The following PTPRN2 variants were observed in gnomAD, a reference collection of about 807,000 sequenced individuals.
The protein encoded by PTPRN2 is protein tyrosine phosphatase receptor type N2.
In PTPRN2, 74 loss-of-function variants were observed where a neutral mutation model predicts 118.8. The ratio of observed to expected loss-of-function variants is 0.62; its 90% confidence interval spans 0.52 to 0.76. The LOEUF is 0.76. Ranked by LOEUF, PTPRN2 falls within the 30% of genes least tolerant of loss-of-function variation. PTPRN2 has a pLI of 0.00. For missense variants in PTPRN2, 1,481 were observed against 1,394.4 expected (o/e 1.06, Z -0.99); for synonymous variants, 641 against 608.0 (o/e 1.05, Z -0.80).
At chr7:158,482,851 G>A (rs762996794) in intron 2 of PTPRN2, among the ~76,000 whole-genome samples, 16 of 152,170 alleles carry the variant, frequency 1.1e-4, no homozygotes, top group African/African-American at 2.4e-4. Flanking sequence ...TTCAGAACAC[G>A]CTACCTCAAA....
At chr7:157,727,508 A>T (rs1485161643) in intron 12 of PTPRN2, among the ~76,000 whole-genome samples, 1 of 152,048 alleles carries the variant, frequency 6.6e-6, no homozygotes, top group African/African-American at 2.4e-5. Context: ...GACAGAGGGT[A>T]GAGTGGGCTG....
intron 2 of PTPRN2, among the ~76,000 whole-genome samples, chr7:158,386,509 G>T (rs939232288): frequency 4.6e-5 from 7 of 152,162 alleles, no homozygotes; most frequent in Non-Finnish European, 8.8e-5. Context: ...ACCAGGGTAT[G>T]CACTTTTCCA....
At chr7:157,648,864 G>T (rs1805368106) in intron 14 of PTPRN2, among the ~76,000 whole-genome samples, 1 of 147,122 alleles carries the variant, frequency 6.8e-6, no homozygotes. Flanking sequence ...CACTGAACTC[G>T]GTGGGTCGGA....
chr7:158,506,546 A>C (rs531846554), intron 1 of PTPRN2, among the ~76,000 whole-genome samples: 12 of 151,760 alleles, frequency 7.9e-5, no homozygotes, highest in Admixed American at 3.3e-4. Flanking sequence ...CACTTCATTT[A>C]TTTTGCTTAA....
At chr7:158,228,028 C>G (rs1195402750) in intron 3 of PTPRN2, among the ~76,000 whole-genome samples, 1 of 152,120 alleles carries the variant, frequency 6.6e-6, no homozygotes, top group Admixed American at 6.5e-5. Flanking sequence ...AGAAATGGAA[C>G]CTATACATTC....
intron 11 of PTPRN2, among the ~76,000 whole-genome samples, chr7:158,036,560 A>G (rs897253029): frequency 6.6e-6 from 1 of 152,222 alleles, no homozygotes; most frequent in African/African-American, 2.4e-5. Flanking sequence ...AATATAACAG[A>G]GGGAAATCAG....
intron 11 of PTPRN2, among the ~76,000 whole-genome samples, chr7:158,038,765 AAGATTATACATAAT>A (rs200922817): frequency 0.026 from 2,745 of 104,574 alleles, 83 homozygotes; most frequent in African/African-American, 0.084. Context: ...ATAGAAATAT[AAGATTATACATAAT>A]ATGTAAAATA....
At chr7:157,723,304 C>T (rs979274471) in intron 12 of PTPRN2, among the ~76,000 whole-genome samples, 2 of 152,184 alleles carry the variant, frequency 1.3e-5, no homozygotes, top group Non-Finnish European at 2.9e-5. Context: ...TCTGGCCTGG[C>T]CTGAGCTGCA....
chr7:158,274,075 C>T (rs575899585), intron 3 of PTPRN2, among the ~76,000 whole-genome samples: 1 of 141,228 alleles, frequency 7.1e-6, no homozygotes, highest in South Asian at 2.2e-4. Context: ...CAGGGGGAGC[C>T]GCAGACACAG....
intron 9 of PTPRN2, among the ~76,000 whole-genome samples, chr7:158,124,008 G>T (rs555320938): frequency 6.7e-6 from 1 of 150,072 alleles, no homozygotes; most frequent in Admixed American, 6.6e-5. Flanking sequence ...CCCAGGCGGA[G>T]CTGGTTCTCT....
At chr7:157,754,739 C>G (rs747805039) in intron 12 of PTPRN2, among the ~76,000 whole-genome samples, 1 of 152,208 alleles carries the variant, frequency 6.6e-6, no homozygotes, top group Non-Finnish European at 1.5e-5. Context: ...AGTTAGTTTT[C>G]TTTGTAGTTA....
chr7:157,696,824 C>T (rs1198927529), intron 12 of PTPRN2, among the ~76,000 whole-genome samples: 3 of 122,100 alleles, frequency 2.5e-5, no homozygotes. Flanking sequence ...TCTACACATG[C>T]ATACTGGGTC....
At chr7:158,281,810 C>G (rs1271281041) in intron 3 of PTPRN2, among the ~76,000 whole-genome samples, 1 of 152,220 alleles carries the variant, frequency 6.6e-6, no homozygotes, top group Non-Finnish European at 1.5e-5. Context: ...TCTGAGTCAA[C>G]CATGGGTAAA....
At chr7:157,931,652 A>G (rs999673857) in intron 11 of PTPRN2, among the ~76,000 whole-genome samples, 2 of 147,590 alleles carry the variant, frequency 1.4e-5, no homozygotes, top group Non-Finnish European at 3.0e-5. Flanking sequence ...AAATGCAGGT[A>G]AGCTCTGGCT....
At chr7:158,165,361 G>A (rs1224677378) in intron 6 of PTPRN2, among the ~76,000 whole-genome samples, 1 of 152,222 alleles carries the variant, frequency 6.6e-6, no homozygotes, top group Non-Finnish European at 1.5e-5. Flanking sequence ...AGCTCCCGTA[G>A]CAAACAGCAC....
chr7:158,081,383 A>C lies in PTPRN2; in HGVS notation c.1644-6T>G. 2 of 1,613,622 alleles carry C rather than the reference A, an allele frequency of 1.2e-6. No homozygotes were observed. Among genetic ancestry groups the C allele is most frequent in the Non-Finnish European group, 1.7e-6 (2 of 1,179,510 alleles). The stretch of plus-strand genomic sequence containing the variant: ...TCACTGCTGGTCCGAGAACCCTGGA[A>C]GGGATAATTTAAAATAAGTTCATAA... On this transcript the variant is annotated splice_region_variant and splice_polypyrimidine_tract_variant and intron_variant, in intron 10 of 22. Coordinates refer to ENST00000389418, the MANE Select transcript of PTPRN2 (RefSeq NM_002847.5).
chr7:158,519,846 T>C (rs1823854191), intron 1 of PTPRN2, among the ~76,000 whole-genome samples: 1 of 152,072 alleles, frequency 6.6e-6, no homozygotes, highest in South Asian at 2.1e-4. Context: ...TTCTCCATTT[T>C]CCCCACAACG....
Position 157,763,840 on chromosome 7 carries a change from C to T in PTPRN2, c.1789-80903G>A, listed in dbSNP as rs1312805726. ...CTGGGCCTCTGCTGTGTGGCCACTG[C>T]CCCATGTGGCTGCCCCATCCCCCAG... is the stretch of plus-strand genomic sequence containing the variant. On this transcript the variant is annotated intron_variant, in intron 12 of 22. Coordinates refer to ENST00000389418, the MANE Select transcript of PTPRN2 (RefSeq NM_002847.5). The surrounding 1 kb of genome is among the most constrained non-coding windows in gnomAD (Gnocchi z 4.9). 6.6e-6 allele frequency among the ~76,000 whole-genome samples: 1 copy of T among 151,998 alleles called. No homozygotes were observed. The highest frequency in any genetic ancestry group is 1.5e-5 in the Non-Finnish European group (1 of 68,006).
At chr7:157,728,486 G>C (rs1400861704) in intron 12 of PTPRN2, among the ~76,000 whole-genome samples, 4 of 152,206 alleles carry the variant, frequency 2.6e-5, no homozygotes, top group African/African-American at 9.6e-5. Flanking sequence ...CGGGGCCCTT[G>C]GCTCAGTGGA....
Sources: allele counts gnomAD v4.1 joint callset (sites outside exome capture counted in the v4.1 genomes callset), GRCh38; gene constraint gnomAD v4.1.1; non-coding constraint Gnocchi (gnomAD v3.1); transcripts MANE v1.5; gene names NCBI Gene and HGNC (gene_info 2026-07-23, HGNC 2026-07-21).